The following TRIM2 variants were observed in gnomAD, a reference collection of about 807,000 sequenced individuals.
TRIM2 encodes the protein tripartite motif-containing protein 2.
TRIM2 carries 20 observed loss-of-function variants against 75.2 expected under a neutral mutation model. That is an observed-to-expected ratio of 0.27 (90% CI 0.19 to 0.39). The LOEUF (loss-of-function observed/expected upper bound fraction) is 0.39, where lower values mean the gene tolerates loss of function less well. TRIM2 is among the 10% of genes least tolerant of loss of function. The pLI is 1.00. For missense variants in TRIM2, 660 were observed against 990.8 expected (o/e 0.67, Z 4.48); for synonymous variants, 373 against 388.3 (o/e 0.96, Z 0.46).
rs59811266 is a variant in TRIM2, at chr4:153,332,418, G to A, written c.2164-2396G>A. 3.0e-3 allele frequency among the ~76,000 whole-genome samples: 452 copies of A among 152,328 alleles called. 1 individual carries two copies. Among genetic ancestry groups the A allele is most frequent in the African/African-American group, 0.01 (425 of 41,588 alleles). Reference sequence around the variant, plus strand: ...CCAGCACTTTGGGAGGCCAAGGCGGGTGGATGACCTGAGGTCAGGAGTTTG... The same window carrying A: ...CCAGCACTTTGGGAGGCCAAGGCGGATGGATGACCTGAGGTCAGGAGTTTG... On this transcript the variant is annotated intron_variant, in intron 11 of 11. Coordinates refer to ENST00000338700, the MANE Select transcript of TRIM2 (RefSeq NM_015271.5).
At chr4:153,256,280 T>C (rs2149955185) in intron 1 of TRIM2, among the ~76,000 whole-genome samples, 1 of 152,318 alleles carries the variant, frequency 6.6e-6, no homozygotes, top group East Asian at 1.9e-4. Context: ...GTGATCCCCC[T>C]CCTCCTACTA....
intron 11 of TRIM2, among the ~76,000 whole-genome samples, chr4:153,334,359 T>A (rs1772144336): frequency 6.6e-6 from 1 of 151,554 alleles, no homozygotes. Flanking sequence ...GATAGATGAT[T>A]ACTTAAGTGC....
At chr4:153,255,836 A>G (rs1751955931) in intron 1 of TRIM2, among the ~76,000 whole-genome samples, 1 of 152,236 alleles carries the variant, frequency 6.6e-6, no homozygotes, top group African/African-American at 2.4e-5. Flanking sequence ...TGCCAAGTGA[A>G]AAGAGCAAGA....
chr4:153,200,999 C>T (rs1406991345), upstream of TRIM2, among the ~76,000 whole-genome samples: 5 of 151,616 alleles, frequency 3.3e-5, no homozygotes, highest in African/African-American at 9.7e-5. Context: ...AGTCTTGCTC[C>T]GTTGCCCAGG....
chr4:153,275,823 C>T lies in TRIM2; in HGVS notation c.216-70C>T. On this transcript the variant is annotated intron_variant, in intron 2 of 11. Transcript: ENST00000338700. ...AAATACCTTGTGTAGTCACTGAGAA[C>T]ATGTATGGTACCTGTGAGAAGTGGA... 8.6e-6 allele frequency: 12 copies of T among 1,390,010 alleles called. No homozygotes were observed. The South Asian group carries it at 1.4e-4, about 16-fold the overall frequency. The allele number at this position is 1,390,010 out of a possible 1,614,324, so 86.1% of individuals were successfully genotyped here. A position where few individuals can be genotyped will look rare whatever the true frequency, so the allele number is the denominator to read the frequency against.
In TRIM2 at chr4:153,187,361, G is replaced by A. The variant is rs77906523; in HGVS notation, c.-49+34091G>A. 9.9e-5 allele frequency among the ~76,000 whole-genome samples: 15 copies of A among 152,226 alleles called. No individual in the cohort carries two copies. The East Asian group carries it at 2.9e-3, about 29-fold the overall frequency. ...TGCAACCCTAAGCCCATTTACCGACGTGGAGGATTACTCTGGATCTTTGGA... is the reference window on the plus strand; with the variant it reads ...TGCAACCCTAAGCCCATTTACCGACATGGAGGATTACTCTGGATCTTTGGA... On this transcript the variant is annotated intron_variant, in intron 1 of 11. Coordinates refer to the TRIM2 transcript ENST00000437508.
chr4:153,255,065 C>T (rs1348270794), intron 1 of TRIM2, among the ~76,000 whole-genome samples: 1 of 152,176 alleles, frequency 6.6e-6, no homozygotes, highest in African/African-American at 2.4e-5. Flanking sequence ...TCTATGGGCG[C>T]CCAGAGCATT....
At chr4:153,233,240 A>G (rs555503795) in intron 1 of TRIM2, among the ~76,000 whole-genome samples, 117 of 152,328 alleles carry the variant, frequency 7.7e-4, no homozygotes, top group Non-Finnish European at 1.4e-3. Flanking sequence ...GGAGGAGAAG[A>G]GGGACGACTG....
Position 153,257,429 on chromosome 4 carries a change from G to A in TRIM2, c.31-12906G>A, listed in dbSNP as rs552452773. 320 of 1,194,102 alleles carry A rather than the reference G, an allele frequency of 2.7e-4. 2 individuals carry two copies. The South Asian group carries it at 5.0e-3, about 18-fold the overall frequency. The allele number at this position is 1,194,102 out of a possible 1,614,324, so 74.0% of individuals were successfully genotyped here. Reference sequence around the variant, plus strand: ...AAAGATGTCCTGTAAGATCAAGACCGATTGGTGTGAATACTGAAGGGGGTC... The same window carrying A: ...AAAGATGTCCTGTAAGATCAAGACCAATTGGTGTGAATACTGAAGGGGGTC... On this transcript the variant is annotated intron_variant, in intron 1 of 11. Transcript: ENST00000338700.
chr4:153,287,540 A>AT (rs1456708833), intron 3 of TRIM2, among the ~76,000 whole-genome samples: 2 of 151,806 alleles, frequency 1.3e-5, no homozygotes, highest in African/African-American at 4.8e-5. Context: ...TTTAATAGAT[A>AT]TTTTCTAGTG....
chr4:153,245,219 G>C (rs1262974009), intron 1 of TRIM2, among the ~76,000 whole-genome samples: 3 of 152,232 alleles, frequency 2.0e-5, no homozygotes. Flanking sequence ...CAAGCCAATG[G>C]TAAGTTCTGT....
chr4:153,159,127 A>AT (rs1256734913), intron 1 of TRIM2, among the ~76,000 whole-genome samples: 2 of 152,062 alleles, frequency 1.3e-5, no homozygotes, highest in Admixed American at 1.3e-4. Context: ...TGTGATGAGT[A>AT]TTTTTTTCAG....
At position 153,215,421 on chromosome 4, in the gene TRIM2, G is replaced by A. The variant is rs115336083; in HGVS notation, c.30+10861G>A. Among the ~76,000 whole-genome samples the A allele has an allele frequency of 2.3e-3, 355 of 152,158 alleles. 1 individual carries two copies. The highest frequency in any genetic ancestry group is 0.019 in the East Asian group (97 of 5,186). ...GAAACATTGATGTTGATGTGGTGCC[G>A]TTTTGCTAGAGTCCAAGTACATTTT... On this transcript the variant is annotated intron_variant, in intron 1 of 11. Coordinates refer to ENST00000338700, the MANE Select transcript of TRIM2 (RefSeq NM_015271.5).
chr4:153,293,162 T>C, intron 4 of TRIM2, 29 bp downstream of exon 4: 1 of 1,585,524 alleles, frequency 6.3e-7, no homozygotes, highest in Non-Finnish European at 8.6e-7. Flanking sequence ...AACCCCCAAC[T>C]GGCTGCCTGT....
At chr4:153,159,755 C>T (rs1729577194) in intron 1 of TRIM2, among the ~76,000 whole-genome samples, 1 of 152,140 alleles carries the variant, frequency 6.6e-6, no homozygotes, top group South Asian at 2.1e-4. Flanking sequence ...GATGGTTTGT[C>T]AGTAAACCAT....
intron 1 of TRIM2, among the ~76,000 whole-genome samples, chr4:153,155,512 G>A (rs2149585050): frequency 6.6e-6 from 1 of 152,288 alleles, no homozygotes; most frequent in Middle Eastern, 3.4e-3. Flanking sequence ...AGAAGGTGGA[G>A]TGGCGACTTC....
intron 1 of TRIM2, among the ~76,000 whole-genome samples, chr4:153,174,277 CT>C (rs953108780): frequency 1.1e-4 from 16 of 151,782 alleles, no homozygotes; most frequent in East Asian, 2.0e-4. Context: ...GTGGCCCCCC[CT>C]GAAAGTGTGG....
At chr4:153,162,407 G>A (rs1579243127) in intron 1 of TRIM2, among the ~76,000 whole-genome samples, 1 of 152,280 alleles carries the variant, frequency 6.6e-6, no homozygotes, top group East Asian at 1.9e-4. Context: ...CAGTCAGAAA[G>A]AGCTGATGCT....
At chr4:153,267,751 TTC>T (rs377312241) in intron 1 of TRIM2, among the ~76,000 whole-genome samples, 88 of 150,292 alleles carry the variant, frequency 5.9e-4, no homozygotes, top group African/African-American at 1.9e-3. Context: ...CCTTCCTTCC[TTC>T]TCTCTCTTTC....
Sources: gnomAD v4.1 joint callset for allele counts (sites outside exome capture counted in the v4.1 genomes callset) on GRCh38, gnomAD v4.1.1 for gene constraint, MANE v1.5 for transcripts, NCBI Gene and HGNC (gene_info 2026-07-23, HGNC 2026-07-21) for gene names.